The following CNDP2 variants were observed in gnomAD, a reference collection of about 807,000 sequenced individuals.
CNDP2 encodes the protein carnosine dipeptidase 2.
Under a neutral mutation model 55.0 loss-of-function variants are expected in CNDP2, and 38 were observed. That is an observed-to-expected ratio of 0.69 (90% confidence interval 0.53 to 0.90). The LOEUF (loss-of-function observed/expected upper bound fraction) is 0.90, where lower values mean the gene tolerates loss of function less well. CNDP2 is among the 40% of genes least tolerant of loss of function. The pLI, the probability that CNDP2 is intolerant of heterozygous loss-of-function variation, is 0.00. For missense variants in CNDP2, 607 were observed against 621.7 expected, an observed-to-expected ratio of 0.98 and a Z score of 0.25; for synonymous variants, 241 against 260.2, an observed-to-expected ratio of 0.93 and a Z score of 0.71.
chr18:74,518,096 A>G lies in CNDP2; in HGVS notation c.1069-403A>G, dbSNP rs192263723. 8.2e-5 allele frequency: 13 copies of G among 158,578 alleles called. No homozygotes were observed. In the East Asian group the frequency reaches 2.3e-3, roughly 29 times the overall value. 9.8% of individuals were successfully genotyped at this position (158,578 alleles called of 1,614,324 possible). ...CAGACCACGGTGAAACCCCGTCTCTACTGAAAAGACAAAAATTAGCCGGGT... is the reference window on the plus strand; with the variant it reads ...CAGACCACGGTGAAACCCCGTCTCTGCTGAAAAGACAAAAATTAGCCGGGT... On this transcript the variant is annotated intron_variant, in intron 9 of 11. Transcript: ENST00000324262.
chr18:74,512,763 T>G (rs560694255), intron 7 of CNDP2, among the ~76,000 whole-genome samples: 1 of 152,294 alleles, frequency 6.6e-6, no homozygotes, highest in South Asian at 2.1e-4. Flanking sequence ...TGGTGAAACC[T>G]TGCCCTGCCT....
At chr18:74,518,312 A>G (rs926434339) in intron 9 of CNDP2, 187 bp from the exon 10 acceptor site, 1 of 558,546 alleles carries the variant, frequency 1.8e-6, no homozygotes, top group Non-Finnish European at 3.2e-6. Flanking sequence ...TACTCTAGTT[A>G]TGTAGCTCAG....
rs143172723 is a variant in CNDP2 at position 74,513,959 on chromosome 18, C to T, written c.903+240C>T. ...GAGAAGCATGCAGAGGGGACATGGG[C>T]TGGCTCCTGCTGGCAGCGGCTCTGC... On this transcript the variant is annotated intron_variant, in intron 8 of 11. Transcript: ENST00000324262. 1.2e-3 allele frequency: 555 copies of T among 449,088 alleles called. 5 individuals are homozygous for T. Among genetic ancestry groups the T allele is most frequent in the African/African-American group, 9.9e-3 (486 of 49,014 alleles). 27.8% of individuals were successfully genotyped at this position (449,088 alleles called of 1,614,324 possible).
chr18:74,505,877 C>T lies in CNDP2; in HGVS notation c.233C>T (p.Pro78Leu). 1.2e-6 allele frequency: 2 copies of T among 1,612,086 alleles called. No homozygotes were observed. The highest frequency in any genetic ancestry group is 2.2e-5 in the East Asian group (1 of 44,830). ...CCTGATGGCTCGGAGATCCCGCTCCCTCCTATTCTGCTCGGCAGGCTGGGC... is the reference window on the plus strand; with the variant it reads ...CCTGATGGCTCGGAGATCCCGCTCCTTCCTATTCTGCTCGGCAGGCTGGGC... The part of the protein sequence containing the change: ...KLPDGSEIPL[P>L]PILLGRLGSD... The change falls in exon 4 of 12, where the codon CCT (proline) becomes CTT (leucine). Residue 78 changes from proline to leucine, a missense_variant. Transcript: ENST00000324262.
At chr18:74,500,362 G>A (rs1020870536) in intron 2 of CNDP2, among the ~76,000 whole-genome samples, 1 of 152,160 alleles carries the variant, frequency 6.6e-6, no homozygotes, top group Non-Finnish European at 1.5e-5. Context: ...GTTTCTTGAT[G>A]TTAACTTAGA....
chr18:74,503,738 A>T (rs1978842066), intron 3 of CNDP2, among the ~76,000 whole-genome samples: 1 of 152,270 alleles, frequency 6.6e-6, no homozygotes, highest in Non-Finnish European at 1.5e-5. Flanking sequence ...GTGAGAACTG[A>T]GGCACAGATA....
Position 74,501,358 on chromosome 18 carries a change from T to C in CNDP2, c.90T>C (p.Ser30=), listed in dbSNP as rs1978685618. 1.2e-6 allele frequency: 2 copies of C among 1,613,372 alleles called. No homozygotes were observed. Among genetic ancestry groups the C allele is most frequent in the Non-Finnish European group, 1.7e-6 (2 of 1,179,768 alleles). The part of the protein sequence containing the change: ...KKLAKWVAIQ[S]VSAWPEKRGE... ...TCGCAAAATGGGTGGCTATCCAGAG[T>C]GTGTCTGCGTGGCCGGAGAAGAGAG... Residue 30 remains serine, a synonymous_variant, in exon 3 of 12, where the codon AGT becomes AGC. Transcript: ENST00000324262.
At chr18:74,503,327 C>T (rs1978818821) in intron 3 of CNDP2, among the ~76,000 whole-genome samples, 1 of 152,096 alleles carries the variant, frequency 6.6e-6, no homozygotes, top group African/African-American at 2.4e-5. Flanking sequence ...GTGGGGTGAC[C>T]ACACATCTTC....
chr18:74,518,015 T>A (rs1002208906), intron 9 of CNDP2: 1 of 152,582 alleles, frequency 6.6e-6, no homozygotes, highest in African/African-American at 2.4e-5. Flanking sequence ...TGGCTCACAC[T>A]TGTAATCCCA....
intron 4 of CNDP2, among the ~76,000 whole-genome samples, chr18:74,506,552 C>G (rs1248534365): frequency 6.6e-6 from 1 of 152,228 alleles, no homozygotes; most frequent in Non-Finnish European, 1.5e-5. Flanking sequence ...TGGCGTCTGC[C>G]AGGCTTCCTC....
At position 74,500,024 on chromosome 18, in the gene CNDP2, C is replaced by A; in HGVS notation, c.51C>A (p.Arg17=). The part of the protein sequence containing the change: ...LFKYIDENQD[R]YIKKLAKWVA... Reference sequence around the variant, plus strand: ...AGTACATAGATGAAAATCAGGATCGCTACATTAAGGTAAGGGAATATTCAT... The same window carrying A: ...AGTACATAGATGAAAATCAGGATCGATACATTAAGGTAAGGGAATATTCAT... The change falls in exon 2 of 12, where the codon CGC becomes CGA. Residue 17 remains arginine, a synonymous_variant. Coordinates refer to ENST00000324262, the MANE Select transcript of CNDP2 (RefSeq NM_018235.3). 1 of 1,613,692 alleles carries A rather than the reference C, an allele frequency of 6.2e-7. No homozygotes were observed. The highest frequency in any genetic ancestry group is 8.5e-7 in the Non-Finnish European group (1 of 1,179,686).
intron 5 of CNDP2, among the ~76,000 whole-genome samples, chr18:74,509,976 G>A (rs547243988): frequency 2.6e-5 from 4 of 152,328 alleles, no homozygotes; most frequent in Non-Finnish European, 2.9e-5. Context: ...GGCCTGGTGC[G>A]GCCGAGCCTG....
chr18:74,507,935 A>G (rs34868541), intron 4 of CNDP2: 23,962 of 152,202 alleles, frequency 0.16, 2,117 homozygotes, highest in African/African-American at 0.17. Context: ...TTGTTTTAGA[A>G]AAGCTTATAT....
intron 8 of CNDP2, among the ~76,000 whole-genome samples, chr18:74,515,576 G>A (rs891463641): frequency 6.6e-6 from 1 of 152,142 alleles, no homozygotes; most frequent in Non-Finnish European, 1.5e-5. Flanking sequence ...GAACCTTCTG[G>A]AAGCCCCCTT....
At chr18:74,509,273 G>T in intron 5 of CNDP2, 1 of 245,914 alleles carries the variant, frequency 4.1e-6, no homozygotes, top group South Asian at 1.1e-4. Context: ...ACATCACACA[G>T]GCCCCTCACT....
At chr18:74,516,091 C>T (rs1979647707) in intron 8 of CNDP2, 137 bp from the exon 9 acceptor site, 3 of 909,774 alleles carry the variant, frequency 3.3e-6, no homozygotes, top group Non-Finnish European at 5.0e-6. Context: ...GGACCTCCTG[C>T]CTGTGGTTGT....
In CNDP2 at chr18:74,499,894, T is replaced by C. The variant is rs1479197925; in HGVS notation, c.-80T>C. The C allele has an allele frequency of 3.0e-6, 4 of 1,314,306 alleles. No individual in the cohort carries two copies. The African/African-American group carries it at 4.4e-5, about 15-fold the overall frequency. The allele number at this position is 1,314,306 out of a possible 1,614,324, so 81.4% of individuals were successfully genotyped here. Reference sequence around the variant, plus strand: ...GCTTTCTGGGCAGGTCGCCCCTCAGTCTCCACTAGAGACAGGACTGACCAG... The same window carrying C: ...GCTTTCTGGGCAGGTCGCCCCTCAGCCTCCACTAGAGACAGGACTGACCAG... On this transcript the variant is annotated 5_prime_UTR_variant, in exon 2 of 12. Coordinates refer to ENST00000324262, the MANE Select transcript of CNDP2 (RefSeq NM_018235.3).
At position 74,510,828 on chromosome 18, in the gene CNDP2, G is replaced by A. The variant is rs765827173; in HGVS notation, c.472G>A (p.Val158Ile). Residue 158 changes from valine (V) to isoleucine (I), a missense_variant, in exon 6 of 12, where the codon GTC (valine) becomes ATC (isoleucine). Transcript: ENST00000324262. ...QKTGQEIPVN[V>I]RFCLEGMEES... ...CTTCTCACAGGAGATTCCTGTCAAC[G>A]TCCGATTCTGCCTCGAAGGCATGGA... 1.3e-5 allele frequency: 21 copies of A among 1,613,750 alleles called. No individual in the cohort carries two copies. The East Asian group carries it at 3.6e-4, about 27-fold the overall frequency.
intron 3 of CNDP2, 54 bp from the exon 4 acceptor site, chr18:74,505,795 C>A (rs1037281473): frequency 5.9e-5 from 94 of 1,598,810 alleles, no homozygotes; most frequent in Non-Finnish European, 7.7e-5. Flanking sequence ...CCACCTTAAG[C>A]ACTGAATTTC....
Sources: allele counts gnomAD v4.1 joint callset (sites outside exome capture counted in the v4.1 genomes callset), GRCh38; gene constraint gnomAD v4.1.1; transcripts MANE v1.5; gene names NCBI Gene and HGNC (gene_info 2026-07-23, HGNC 2026-07-21).